Variants in NCKAP5 observed in about 807,000 individuals in gnomAD.
NCKAP5 encodes the protein NCK associated protein 5, also known as nck-associated protein 5.
NCKAP5 carries 92 observed loss-of-function variants against 167.0 expected under a neutral mutation model. The observed-to-expected ratio is 0.55, with a 90% confidence interval of 0.47 to 0.66. The LOEUF is 0.66. Ranked by LOEUF, NCKAP5 falls within the 30% of genes least tolerant of loss-of-function variation. The pLI, the probability that NCKAP5 is intolerant of heterozygous loss-of-function variation, is 0.00. For missense variants in NCKAP5, 2,378 were observed against 2,315.0 expected, an observed-to-expected ratio of 1.03 and a Z score of -0.56; for synonymous variants, 891 against 877.4, an observed-to-expected ratio of 1.02 and a Z score of -0.27.
chr2:132,794,638 C>T (rs1331194336), intron 12 of NCKAP5, among the ~76,000 whole-genome samples: 1 of 112,806 alleles, frequency 8.9e-6, no homozygotes, highest in Non-Finnish European at 1.8e-5. Context: ...TTCATCTCAA[C>T]AACAACAAAT....
At chr2:133,062,903 C>T (rs1405936106) in intron 6 of NCKAP5, among the ~76,000 whole-genome samples, 5 of 152,018 alleles carry the variant, frequency 3.3e-5, no homozygotes, top group Middle Eastern at 3.2e-3. Context: ...AAAAAAATAA[C>T]GAGATTAAAT....
Position 132,784,114 on chromosome 2 carries a change from A to G in NCKAP5, c.2697T>C (p.Pro899=). The change falls in exon 14 of 20, where the codon CCT becomes CCC. Residue 899 remains proline, a synonymous_variant. Transcript: ENST00000409261. ...KSQTPGSRSR[P]AIESSDSGEP... ...CTCCACTGTCACTAGACTCAATGGC[A>G]GGCCTTGACCGTGACCCTGGAGTCT... is the stretch of plus-strand genomic sequence containing the variant. The G allele has an allele frequency of 1.3e-6, 2 of 1,521,092 alleles. No homozygotes were observed. The highest frequency in any genetic ancestry group is 2.7e-5 in the South Asian group (2 of 75,210). The allele number at this position is 1,521,092 out of a possible 1,614,324, so 94.2% of individuals were successfully genotyped here. A position where few individuals can be genotyped will look rare whatever the true frequency, so the allele number is the denominator to read the frequency against.
intron 6 of NCKAP5, among the ~76,000 whole-genome samples, chr2:133,128,542 C>G (rs544931143): frequency 6.6e-6 from 1 of 152,084 alleles, no homozygotes; most frequent in African/African-American, 2.4e-5. Context: ...GCTACTTTTT[C>G]AGAATCTTCC....
At chr2:132,899,064 C>G (rs1295168056) in intron 8 of NCKAP5, among the ~76,000 whole-genome samples, 1 of 152,144 alleles carries the variant, frequency 6.6e-6, no homozygotes, top group Non-Finnish European at 1.5e-5. Flanking sequence ...TAAGATTGAC[C>G]CCTACATCAA....
At chr2:133,320,259 C>T (rs1436266686) in intron 3 of NCKAP5, among the ~76,000 whole-genome samples, 9 of 152,186 alleles carry the variant, frequency 5.9e-5, no homozygotes, top group Admixed American at 5.9e-4. Context: ...TCTCTAAAGT[C>T]TAATTACTGC....
At chr2:132,757,023 A>G (rs187995250) in intron 16 of NCKAP5, among the ~76,000 whole-genome samples, 31 of 152,338 alleles carry the variant, frequency 2.0e-4, no homozygotes, top group African/African-American at 7.0e-4. Context: ...TTTTAGCTAC[A>G]TAAGAAACAT....
chr2:133,435,844 T>C (rs906128994), intron 3 of NCKAP5, among the ~76,000 whole-genome samples: 4 of 152,324 alleles, frequency 2.6e-5, no homozygotes, highest in Admixed American at 2.6e-4. Context: ...GCCACTTCCA[T>C]GTCGGGGTTC....
intron 6 of NCKAP5, among the ~76,000 whole-genome samples, chr2:133,039,584 G>T (rs189544588): frequency 6.6e-6 from 1 of 152,246 alleles, no homozygotes; most frequent in Admixed American, 6.5e-5. Flanking sequence ...TAACCTAGGA[G>T]ATCAAAGACC....
chr2:133,065,427 C>T (rs1019727317), intron 6 of NCKAP5, among the ~76,000 whole-genome samples: 1 of 152,028 alleles, frequency 6.6e-6, no homozygotes, highest in African/African-American at 2.4e-5. Context: ...CAGATCAAGA[C>T]CATCCTGGCC....
chr2:132,882,512 C>T lies in NCKAP5; in HGVS notation c.580-3596G>A, dbSNP rs191780250. ...TCTTACCATGTGTACAAAATTGGTA[C>T]GCTACCCAAACCAGTGCTAGGAAAA... is the stretch of plus-strand genomic sequence containing the variant. On this transcript the variant is annotated intron_variant, in intron 8 of 19. Transcript: ENST00000409261. Among the ~76,000 whole-genome samples the T allele has an allele frequency of 1.2e-4, 18 of 152,226 alleles. No homozygotes were observed. The South Asian group carries it at 1.2e-3, about 11-fold the overall frequency.
intron 5 of NCKAP5, among the ~76,000 whole-genome samples, chr2:133,145,188 T>C (rs574413508): frequency 2.0e-5 from 3 of 152,008 alleles, no homozygotes; most frequent in Middle Eastern, 6.8e-3. Flanking sequence ...CTGTAGTGCA[T>C]GGATTATACA....
intron 7 of NCKAP5, among the ~76,000 whole-genome samples, chr2:132,976,088 G>T (rs1482079502): frequency 6.6e-6 from 1 of 152,180 alleles, no homozygotes; most frequent in Non-Finnish European, 1.5e-5. Context: ...ACAAATGGAT[G>T]AACCTGGAGG....
chr2:133,375,506 A>G (rs1686082900), intron 3 of NCKAP5, among the ~76,000 whole-genome samples: 1 of 152,230 alleles, frequency 6.6e-6, no homozygotes, highest in African/African-American at 2.4e-5. Flanking sequence ...AATGTGTGTC[A>G]TGAGGGTTTG....
At chr2:133,230,655 C>A (rs940917042) in intron 4 of NCKAP5, among the ~76,000 whole-genome samples, 2 of 152,152 alleles carry the variant, frequency 1.3e-5, no homozygotes, top group Non-Finnish European at 2.9e-5. Flanking sequence ...CTTGCTGACC[C>A]AAAGGCTCCA....
chr2:133,143,844 C>T (rs1574167734), intron 5 of NCKAP5, among the ~76,000 whole-genome samples: 1 of 151,814 alleles, frequency 6.6e-6, no homozygotes, highest in East Asian at 1.9e-4. Flanking sequence ...GAGGCTAAGG[C>T]CACAGTAAGT....
chr2:133,199,946 C>CA (rs1378593841), intron 5 of NCKAP5, among the ~76,000 whole-genome samples: 7 of 149,586 alleles, frequency 4.7e-5, no homozygotes, highest in African/African-American at 1.5e-4. Context: ...AATTAAGACA[C>CA]ACAAAAAAGC....
chr2:133,615,654 T>G, the NCKAP5 span, among the ~76,000 whole-genome samples: 156 of 152,140 alleles, frequency 1.0e-3, 1 homozygote, highest in African/African-American at 3.5e-3. Context: ...CATAAAGCAA[T>G]TCCTGAGTGA....
chr2:132,922,694 A>C (rs1373961517), intron 8 of NCKAP5, among the ~76,000 whole-genome samples: 1 of 152,184 alleles, frequency 6.6e-6, no homozygotes, highest in African/African-American at 2.4e-5. Context: ...GCCCCCATGA[A>C]GTGCATATTA....
intron 6 of NCKAP5, among the ~76,000 whole-genome samples, chr2:133,000,057 T>C (rs989274567): frequency 3.3e-5 from 5 of 152,208 alleles, no homozygotes; most frequent in Non-Finnish European, 5.9e-5. Context: ...AAATTAACCA[T>C]GAAATTATTC....
Sources: gnomAD v4.1 joint callset for allele counts (sites outside exome capture counted in the v4.1 genomes callset) on GRCh38, gnomAD v4.1.1 for gene constraint, MANE v1.5 for transcripts, NCBI Gene and HGNC (gene_info 2026-07-23, HGNC 2026-07-21) for gene names.